TRAPPC9: variants seen among roughly 807,000 people sequenced by gnomAD.
TRAPPC9 encodes IKK2 binding protein.
Under a neutral mutation model 124.0 loss-of-function variants are expected in TRAPPC9, and 83 were observed. That is an observed-to-expected ratio of 0.67 (90% CI 0.56 to 0.80). The LOEUF is 0.80. Among genes scored for constraint, TRAPPC9 ranks in the 30% least tolerant of loss-of-function variants. The pLI, the probability that TRAPPC9 is intolerant of heterozygous loss-of-function variation, is 0.00. For missense variants in TRAPPC9, 1,302 were observed against 1,508.3 expected (o/e 0.86, Z 2.27); for synonymous variants, 638 against 617.5 (o/e 1.03, Z -0.49).
rs531355759 is a variant in TRAPPC9, at chr8:140,386,853, T to C, written c.1134+10767A>G. Among the ~76,000 whole-genome samples the C allele has an allele frequency of 9.9e-5, 15 of 152,272 alleles. No homozygotes were observed. The South Asian group carries it at 3.1e-3, about 32-fold the overall frequency. On this transcript the variant is annotated intron_variant, in intron 7 of 22. Transcript: ENST00000438773. ...TATGGAACCAAAAAAGAGCCTGCAT[T>C]GCCAAGTCAGTCGTAAGCCAAAAGA...
At chr8:140,365,962 C>T (rs1055517079) in intron 8 of TRAPPC9, among the ~76,000 whole-genome samples, 2 of 152,162 alleles carry the variant, frequency 1.3e-5, no homozygotes, top group Admixed American at 6.5e-5. Flanking sequence ...ATGTTATTCC[C>T]CTCTATGTGG....
chr8:140,435,539 C>T (rs540983723), intron 3 of TRAPPC9, among the ~76,000 whole-genome samples: 1 of 152,366 alleles, frequency 6.6e-6, no homozygotes, highest in Non-Finnish European at 1.5e-5. Flanking sequence ...ACACGTAAAA[C>T]AGGCCAGCCT....
chr8:140,061,023 A>G (rs1429956415), intron 17 of TRAPPC9, among the ~76,000 whole-genome samples: 1 of 152,228 alleles, frequency 6.6e-6, no homozygotes, highest in Non-Finnish European at 1.5e-5. Context: ...GAGAGACTGT[A>G]AACTATCCCC....
At chr8:140,418,767 T>TAGACAGAC (rs1256512971) in intron 5 of TRAPPC9, among the ~76,000 whole-genome samples, 6 of 143,318 alleles carry the variant, frequency 4.2e-5, no homozygotes, top group Non-Finnish European at 9.3e-5. Context: ...GATAGATAGA[T>TAGACAGAC]AGATAGACAG....
chr8:139,735,400 G>A (rs1022063320), intron 21 of TRAPPC9, among the ~76,000 whole-genome samples: 1 of 152,166 alleles, frequency 6.6e-6, no homozygotes, highest in Non-Finnish European at 1.5e-5. Context: ...TTACCTGTCT[G>A]TGCTGTGCAA....
At chr8:140,380,094 C>T (rs1268827590) in intron 7 of TRAPPC9, among the ~76,000 whole-genome samples, 1 of 152,034 alleles carries the variant, frequency 6.6e-6, no homozygotes, top group Non-Finnish European at 1.5e-5. Flanking sequence ...CAAGCTTATG[C>T]CAAAATTCAC....
chr8:140,018,056 G>GCT (rs2131886301), intron 18 of TRAPPC9, among the ~76,000 whole-genome samples: 1 of 152,116 alleles, frequency 6.6e-6, no homozygotes, highest in East Asian at 1.9e-4. Flanking sequence ...TACTGGCCAG[G>GCT]CTGGTCTTGA....
chr8:139,830,278 A>C lies in TRAPPC9; in HGVS notation c.3055+55601T>G, dbSNP rs543172186. 4.3e-5 allele frequency among the ~76,000 whole-genome samples: 6 copies of C among 140,824 alleles called. No homozygotes were observed. In the South Asian group the frequency reaches 1.3e-3, roughly 31 times the overall value. The allele number at this position is 140,824 out of a possible 152,430, so 92.4% of individuals were successfully genotyped here. A position where few individuals can be genotyped will look rare whatever the true frequency, so the allele number is the denominator to read the frequency against. ...ATGCACACACATGCATACACACACA[A>C]ATGAGCATACACATGCACACACACT... On this transcript the variant is annotated intron_variant, in intron 21 of 22. Coordinates refer to ENST00000438773, the MANE Select transcript of TRAPPC9 (RefSeq NM_001160372.4).
intron 9 of TRAPPC9, among the ~76,000 whole-genome samples, chr8:140,337,129 C>T (rs1032989861): frequency 3.9e-5 from 6 of 152,140 alleles, no homozygotes; most frequent in East Asian, 1.9e-4. Flanking sequence ...CAGAGCCAGG[C>T]GCCCGGAACT....
chr8:140,246,203 G>A (rs776028403), intron 16 of TRAPPC9, among the ~76,000 whole-genome samples: 2 of 152,164 alleles, frequency 1.3e-5, no homozygotes, highest in Admixed American at 6.5e-5. Flanking sequence ...TTCTTCAGGC[G>A]GAGCCCTTCA....
intron 15 of TRAPPC9, among the ~76,000 whole-genome samples, chr8:140,273,261 C>T (rs189534803): frequency 5.3e-5 from 8 of 152,320 alleles, no homozygotes; most frequent in Admixed American, 4.6e-4. Context: ...GAGCTGCCTC[C>T]CTCCTCGCAC....
intron 13 of TRAPPC9, among the ~76,000 whole-genome samples, chr8:140,286,680 G>T (rs2065492206): frequency 6.6e-6 from 1 of 152,108 alleles, no homozygotes; most frequent in Non-Finnish European, 1.5e-5. Flanking sequence ...CGGGGGCAGG[G>T]GCAGTTTTGG....
At position 140,101,532 on chromosome 8, in the gene TRAPPC9, C is replaced by CTTTTTTTTTTTTTTTTTTTTTTT. The variant is rs1234280796; in HGVS notation, c.2557-77454_2557-77453insAAAAAAAAAAAAAAAAAAAAAAA. ...ACTTGGGTTGGTTTTGTAGGGTTTT[C>CTTTTTTTTTTTTTTTTTTTTTTT]TTTTTTTTGTTTTTTTTTTTTTTTT... is the stretch of plus-strand genomic sequence containing the variant. On this transcript the variant is annotated intron_variant, in intron 17 of 22. Transcript: ENST00000438773. 2.7e-4 allele frequency among the ~76,000 whole-genome samples: 21 copies of CTTTTTTTTTTTTTTTTTTTTTTT among 78,722 alleles called. 6 individuals are homozygous for CTTTTTTTTTTTTTTTTTTTTTTT. Among genetic ancestry groups the CTTTTTTTTTTTTTTTTTTTTTTT allele is most frequent in the Non-Finnish European group, 3.1e-4 (14 of 44,756 alleles). The allele number at this position is 78,722 out of a possible 152,430, so 51.6% of individuals were successfully genotyped here. A position where few individuals can be genotyped will look rare whatever the true frequency, so the allele number is the denominator to read the frequency against.
chr8:139,864,499 G>A (rs1828394244), intron 21 of TRAPPC9, among the ~76,000 whole-genome samples: 1 of 152,122 alleles, frequency 6.6e-6, no homozygotes, highest in Admixed American at 6.5e-5. Flanking sequence ...AATACATCTG[G>A]GACACTGTGA....
intron 15 of TRAPPC9, among the ~76,000 whole-genome samples, chr8:140,261,677 A>G (rs1312302600): frequency 1.3e-5 from 2 of 152,168 alleles, no homozygotes; most frequent in Non-Finnish European, 2.9e-5. Flanking sequence ...TTCAAAAACT[A>G]TAATTATAGC....
At chr8:140,316,757 A>G (rs746953823) in intron 9 of TRAPPC9, among the ~76,000 whole-genome samples, 2 of 152,196 alleles carry the variant, frequency 1.3e-5, no homozygotes, top group Non-Finnish European at 2.9e-5. Flanking sequence ...ATACCAAAGT[A>G]ATGCTGGCTT....
At chr8:140,358,938 C>T (rs1167705513) in intron 9 of TRAPPC9, among the ~76,000 whole-genome samples, 1 of 152,180 alleles carries the variant, frequency 6.6e-6, no homozygotes, top group Non-Finnish European at 1.5e-5. Context: ...CCTCCCATCG[C>T]CAGAGATCTC....
chr8:139,775,850 CT>C (rs1428308062), intron 21 of TRAPPC9, among the ~76,000 whole-genome samples: 2 of 152,260 alleles, frequency 1.3e-5, no homozygotes, highest in East Asian at 3.8e-4. Flanking sequence ...TGCCCAGTAC[CT>C]GGGCCTCAAA....
At position 139,727,974 on chromosome 8, in the gene TRAPPC9, GA is replaced by G. The variant is rs1817639829; in HGVS notation, c.*3086del. ...ATGGAATTAAAAAGAACAGCAATGGGAAGGCTAGGAGAAGGGACCCAGTATT... is the reference window on the plus strand; with the variant it reads ...ATGGAATTAAAAAGAACAGCAATGGGAGGCTAGGAGAAGGGACCCAGTATT... On this transcript the variant is annotated 3_prime_UTR_variant, in exon 23 of 23. Transcript: ENST00000438773. 6.6e-6 allele frequency among the ~76,000 whole-genome samples: 1 copy of G among 152,174 alleles called. No individual in the cohort carries two copies. Among genetic ancestry groups the G allele is most frequent in the African/African-American group, 2.4e-5 (1 of 41,430 alleles).
Sources: gnomAD v4.1 joint callset for allele counts (sites outside exome capture counted in the v4.1 genomes callset) on GRCh38, gnomAD v4.1.1 for gene constraint, MANE v1.5 for transcripts, NCBI Gene and HGNC (gene_info 2026-07-23, HGNC 2026-07-21) for gene names.